Variants in PLEKHA7 observed in about 807,000 individuals in gnomAD.
The protein encoded by PLEKHA7 is pleckstrin homology domain containing A7, also known as pleckstrin homology domain-containing family A member 7.
A neutral mutation model predicts 170.0 loss-of-function variants in PLEKHA7; 104 were observed. The observed-to-expected ratio is 0.61, with a 90% CI of 0.52 to 0.72. PLEKHA7 has a LOEUF of 0.72. PLEKHA7 is among the 30% of genes least tolerant of loss of function. PLEKHA7 has a pLI of 0.00. For synonymous variants in PLEKHA7, 648 were observed against 660.8 expected (o/e 0.98, Z 0.30); for missense variants, 1,615 against 1,671.7 (o/e 0.97, Z 0.59).
intron 3 of PLEKHA7, among the ~76,000 whole-genome samples, chr11:16,955,545 A>G (rs1454014994): frequency 2.0e-5 from 3 of 152,238 alleles, no homozygotes; most frequent in Admixed American, 6.5e-5. Flanking sequence ...CGTTAATCAA[A>G]TAAGTCCACT....
chr11:16,912,575 C>T (rs7951117), intron 3 of PLEKHA7, among the ~76,000 whole-genome samples: 2,607 of 152,248 alleles, frequency 0.017, 82 homozygotes, highest in African/African-American at 0.06. Flanking sequence ...CTACACTGTA[C>T]GAGACACGGA....
At chr11:16,994,155 C>T (rs1200607791) in intron 3 of PLEKHA7, among the ~76,000 whole-genome samples, 2 of 152,194 alleles carry the variant, frequency 1.3e-5, no homozygotes, top group Non-Finnish European at 2.9e-5. Context: ...GTCAGTCTTT[C>T]TCTGTCAGTA....
At chr11:16,841,769 T>C (rs776174204) in intron 8 of PLEKHA7, 47 bp from the exon 9 acceptor site, 23 of 1,585,438 alleles carry the variant, frequency 1.5e-5, no homozygotes, top group Non-Finnish European at 1.9e-5. Flanking sequence ...TTATCACACA[T>C]TTCCTTTATA....
rs991653243 is a variant in PLEKHA7 at position 16,841,605 on chromosome 11, C to T, written c.814G>A (p.Ala272Thr). The T allele has an allele frequency of 1.2e-6, 2 of 1,613,974 alleles. No homozygotes were observed. The highest frequency in any genetic ancestry group is 1.3e-5 in the African/African-American group (1 of 74,898). The stretch of plus-strand genomic sequence containing the variant: ...GCCTGGTTCATGGCCCTGACCCAAG[C>T]GTTCATGTCCTCCTGGGTGTCGGCA... ...FSADTQEDMN[A>T]WVRAMNQAAQ... The change falls in exon 9 of 27, where the codon GCT (alanine) becomes ACT (threonine). Residue 272 changes from alanine (A) to threonine (T), a missense_variant. Coordinates refer to ENST00000531066, the MANE Select transcript of PLEKHA7 (RefSeq NM_001329630.2).
intron 3 of PLEKHA7, among the ~76,000 whole-genome samples, chr11:17,008,738 G>T (rs1865158559): frequency 6.6e-6 from 1 of 152,192 alleles, no homozygotes; most frequent in African/African-American, 2.4e-5. Context: ...CAAGGTGGCT[G>T]AGCCCCTCTT....
intron 3 of PLEKHA7, among the ~76,000 whole-genome samples, chr11:16,903,422 G>A (rs77855666): frequency 0.016 from 2,375 of 152,258 alleles, 61 homozygotes; most frequent in African/African-American, 0.054. Flanking sequence ...AGGGTCCCAG[G>A]GAAGGCTGAG....
At chr11:16,892,988 C>T (rs1856767455) in intron 3 of PLEKHA7, among the ~76,000 whole-genome samples, 1 of 152,134 alleles carries the variant, frequency 6.6e-6, no homozygotes, top group Admixed American at 6.5e-5. Context: ...CCTAGGGCCC[C>T]TTTTATAGGG....
At chr11:16,798,529 A>G (rs1848389611) in intron 17 of PLEKHA7, among the ~76,000 whole-genome samples, 2 of 152,242 alleles carry the variant, frequency 1.3e-5, no homozygotes, top group Admixed American at 1.3e-4. Context: ...AAGGCACAGT[A>G]AAGACACAAA....
At chr11:16,903,813 C>A (rs1001505781) in intron 3 of PLEKHA7, among the ~76,000 whole-genome samples, 1 of 152,214 alleles carries the variant, frequency 6.6e-6, no homozygotes, top group African/African-American at 2.4e-5. Flanking sequence ...CTCTTCCATG[C>A]CTTCCACAAA....
At chr11:16,919,567 T>C (rs1858935519) in intron 3 of PLEKHA7, among the ~76,000 whole-genome samples, 2 of 151,698 alleles carry the variant, frequency 1.3e-5, no homozygotes, top group Admixed American at 1.3e-4. Flanking sequence ...CCTATCTTCT[T>C]GGGGGGCTGA....
intron 12 of PLEKHA7, among the ~76,000 whole-genome samples, chr11:16,815,688 G>A (rs1003101605): frequency 3.9e-5 from 6 of 152,102 alleles, no homozygotes; most frequent in African/African-American, 1.4e-4. Flanking sequence ...GATAGTTTTT[G>A]TATTTTTAGT....
chr11:16,937,623 T>C (rs1456774733), intron 3 of PLEKHA7, among the ~76,000 whole-genome samples: 1 of 152,102 alleles, frequency 6.6e-6, no homozygotes, highest in African/African-American at 2.4e-5. Context: ...TTCTTTTTTT[T>C]TTTAGATGGA....
intron 13 of PLEKHA7, chr11:16,803,612 T>A (rs537250794): frequency 9.3e-6 from 3 of 323,566 alleles, no homozygotes; most frequent in African/African-American, 2.1e-5. Flanking sequence ...AAAATCAGCA[T>A]GAATCTTGGA....
rs1187631968 is a variant in PLEKHA7 at position 16,794,942 on chromosome 11, A to C, written c.2486T>G (p.Phe829Cys). The change falls in exon 18 of 27, where the codon TTC (phenylalanine) becomes TGC (cysteine). Residue 829 changes from phenylalanine (F) to cysteine (C), a missense_variant. Transcript: ENST00000531066. ...TTTTACTGACTCCACTAGAATTCTGAAGTTCTCTTTATTTGCACTCAGGCC... is the reference window on the plus strand; with the variant it reads ...TTTTACTGACTCCACTAGAATTCTGCAGTTCTCTTTATTTGCACTCAGGCC... ...TAGLSANKEN[F>C]RILVESVKNP... 6.2e-7 allele frequency: 1 copy of C among 1,612,448 alleles called. No individual in the cohort carries two copies. The highest frequency in any genetic ancestry group is 8.5e-7 in the Non-Finnish European group (1 of 1,179,236).
chr11:16,786,191 T>A, intron 24 of PLEKHA7, 38 bp downstream of exon 24: 1 of 1,531,586 alleles, frequency 6.5e-7, no homozygotes, highest in Non-Finnish European at 8.7e-7. Context: ...TTGAAGGCCA[T>A]GTCTCCTGGA....
chr11:16,923,110 G>A (rs1201220239), intron 3 of PLEKHA7, among the ~76,000 whole-genome samples: 1 of 152,064 alleles, frequency 6.6e-6, no homozygotes, highest in African/African-American at 2.4e-5. Context: ...AGTGCCCTAG[G>A]GACCCCGCTA....
rs372765134 is a variant in PLEKHA7, at chr11:16,851,182, G to A, written c.696+9C>T. On this transcript the variant is annotated intron_variant, in intron 8 of 26. Coordinates refer to ENST00000531066, the MANE Select transcript of PLEKHA7 (RefSeq NM_001329630.2). ...CAGAATGGCTGCATTAGAGGTGCAG[G>A]GGCAGTACCTTAAAGGAATATTTGC... The A allele has an allele frequency of 1.9e-6, 3 of 1,592,434 alleles. No homozygotes were observed. Among genetic ancestry groups the A allele is most frequent in the East Asian group, 2.3e-5 (1 of 43,912 alleles).
At chr11:16,985,380 C>T (rs908482236) in intron 3 of PLEKHA7, among the ~76,000 whole-genome samples, 1 of 152,128 alleles carries the variant, frequency 6.6e-6, no homozygotes, top group African/African-American at 2.4e-5. Context: ...TATAGAAATT[C>T]CAGATACACA....
intron 3 of PLEKHA7, among the ~76,000 whole-genome samples, chr11:16,885,502 A>G (rs1327922291): frequency 6.7e-6 from 1 of 150,024 alleles, no homozygotes; most frequent in African/African-American, 2.5e-5. Flanking sequence ...CTACTAAAAA[A>G]AATATATATA....
Sources: allele counts gnomAD v4.1 joint callset (sites outside exome capture counted in the v4.1 genomes callset), GRCh38; gene constraint gnomAD v4.1.1; transcripts MANE v1.5; gene names NCBI Gene and HGNC (gene_info 2026-07-23, HGNC 2026-07-21).